NIBAN2: variants seen among roughly 807,000 people sequenced by gnomAD.
NIBAN2 encodes the protein niban apoptosis regulator 2, also known as protein Niban 2.
A neutral mutation model predicts 81.8 loss-of-function variants in NIBAN2; 36 were observed. The observed-to-expected ratio is 0.44, with a 90% CI of 0.34 to 0.58. The LOEUF is 0.58. Among genes scored for constraint, NIBAN2 ranks in the 20% least tolerant of loss-of-function variants. NIBAN2 has a pLI of 0.02. For synonymous variants in NIBAN2, 445 were observed against 441.6 expected, an observed-to-expected ratio of 1.01 and a Z score of -0.10; for missense variants, 897 against 1,014.1, an observed-to-expected ratio of 0.88 and a Z score of 1.57.
At chr9:127,552,423 A>C (rs1837592999) in intron 1 of NIBAN2, among the ~76,000 whole-genome samples, 1 of 151,930 alleles carries the variant, frequency 6.6e-6, no homozygotes, top group South Asian at 2.1e-4. Flanking sequence ...AATTTTTTTA[A>C]AAAATTAGCC....
intron 8 of NIBAN2, 68 bp downstream of exon 8, chr9:127,516,789 T>C: frequency 6.8e-7 from 1 of 1,465,874 alleles, no homozygotes; most frequent in Non-Finnish European, 9.3e-7. Context: ...TTTACATGAA[T>C]CATGAAATAA....
At chr9:127,578,774 T>C in intron 1 of NIBAN2, 1 of 693,748 alleles carries the variant, frequency 1.4e-6, no homozygotes, top group East Asian at 2.9e-5. Context: ...TGAGGATCCC[T>C]TGAGCCCAGG....
upstream of NIBAN2, among the ~76,000 whole-genome samples, chr9:127,573,055 T>C (rs1396937657): frequency 2.6e-5 from 4 of 152,236 alleles, no homozygotes; most frequent in East Asian, 7.7e-4. Context: ...TTTATAGATA[T>C]ATGTATGTAC....
chr9:127,522,441 G>A (rs936730388), intron 5 of NIBAN2, among the ~76,000 whole-genome samples: 2 of 152,242 alleles, frequency 1.3e-5, no homozygotes, highest in Middle Eastern at 3.4e-3. Context: ...GCAGTTCAGT[G>A]TCCAGGACTG....
In NIBAN2 at chr9:127,507,933, A is replaced by G; in HGVS notation, c.1588T>C (p.Phe530Leu). Residue 530 changes from phenylalanine to leucine, a missense_variant, in exon 13 of 14, where the codon TTC (phenylalanine) becomes CTC (leucine). Transcript: ENST00000373312. This position sits in a 1 kb window ranked among gnomAD's most constrained non-coding sequence, Gnocchi z 6.8. ...QELIFEDFAR[F>L]ILVENTYEEV... ...TCGTACGTGTTTTCCACCAGGATGA[A>G]CCTGGCAAAGTCCTCGAAGATCAGC... The G allele has an allele frequency of 6.2e-7, 1 of 1,614,148 alleles. No homozygotes were observed. The highest frequency in any genetic ancestry group is 8.5e-7 in the Non-Finnish European group (1 of 1,180,026).
At chr9:127,510,356 C>A in intron 8 of NIBAN2, 23 bp from the exon 9 acceptor site, 1 of 1,569,060 alleles carries the variant, frequency 6.4e-7, no homozygotes, top group Non-Finnish European at 8.7e-7. Flanking sequence ...GGAGCCGGGT[C>A]AGCAGGGGCT....
chr9:127,515,008 T>C (rs185914762), intron 8 of NIBAN2, among the ~76,000 whole-genome samples: 153 of 152,022 alleles, frequency 1.0e-3, no homozygotes, highest in African/African-American at 3.5e-3. Flanking sequence ...CTCTCTCTCT[T>C]TCAAAAATTT....
At chr9:127,527,364 G>T (rs1425294333) in intron 2 of NIBAN2, 42 bp from the exon 3 acceptor site, 1 of 1,587,294 alleles carries the variant, frequency 6.3e-7, no homozygotes, top group Non-Finnish European at 8.6e-7. Flanking sequence ...CAGGTCTGGG[G>T]GGGTGGTGCT....
chr9:127,506,745 C>T lies in NIBAN2; in HGVS notation c.*100G>A, dbSNP rs1226775447. On this transcript the variant is annotated 3_prime_UTR_variant, in exon 14 of 14. Coordinates refer to ENST00000373312, the MANE Select transcript of NIBAN2 (RefSeq NM_022833.4). ...GCCACACAGCCCTGCCCCGCCTCCA[C>T]CCACAAGGCACAGACCAGGGTGCCC... 15 of 1,157,026 alleles carry T rather than the reference C, an allele frequency of 1.3e-5. 1 individual carries two copies. In the South Asian group the frequency reaches 2.7e-4, roughly 21 times the overall value. The allele number at this position is 1,157,026 out of a possible 1,614,324, so 71.7% of individuals were successfully genotyped here. A position where few individuals can be genotyped will look rare whatever the true frequency, so the allele number is the denominator to read the frequency against.
upstream of NIBAN2, among the ~76,000 whole-genome samples, chr9:127,569,619 C>T (rs1328927208): frequency 1.3e-5 from 2 of 152,016 alleles, no homozygotes; most frequent in African/African-American, 4.8e-5. Context: ...TGAACAGTGC[C>T]CCCTGCCCCC....
intron 1 of NIBAN2, among the ~76,000 whole-genome samples, chr9:127,554,318 C>T (rs190136577): frequency 1.0e-3 from 152 of 152,214 alleles, no homozygotes; most frequent in African/African-American, 3.4e-3. Flanking sequence ...CTCCACTCAC[C>T]CTTACCCCAA....
At chr9:127,569,385 G>A (rs1837919153), upstream of NIBAN2, among the ~76,000 whole-genome samples, 1 of 151,742 alleles carries the variant, frequency 6.6e-6, no homozygotes, top group South Asian at 2.1e-4. Flanking sequence ...GAGAGACTGC[G>A]AAGAGCGCAC....
At chr9:127,541,057 A>C (rs1440434433) in intron 1 of NIBAN2, among the ~76,000 whole-genome samples, 1 of 152,192 alleles carries the variant, frequency 6.6e-6, no homozygotes, top group Non-Finnish European at 1.5e-5. Context: ...CACCCACCCT[A>C]CAGTCCAGGG....
intron 1 of NIBAN2, chr9:127,561,290 T>A: frequency 5.3e-5 from 52 of 985,446 alleles, no homozygotes; most frequent in Non-Finnish European, 6.1e-5. Flanking sequence ...AAGGAGTGGG[T>A]CATGTCAACT....
chr9:127,507,524 GC>G lies in NIBAN2; in HGVS notation c.1655-94del. 1 of 1,129,722 alleles carries G rather than the reference GC, an allele frequency of 8.9e-7. No homozygotes were observed. The highest frequency in any genetic ancestry group is 1.2e-6 in the Non-Finnish European group (1 of 812,296). The allele number at this position is 1,129,722 out of a possible 1,614,324, so 70.0% of individuals were successfully genotyped here. On this transcript the variant is annotated intron_variant, in intron 13 of 13. Coordinates refer to ENST00000373312, the MANE Select transcript of NIBAN2 (RefSeq NM_022833.4). This position sits in a 1 kb window ranked among gnomAD's most constrained non-coding sequence, Gnocchi z 6.8. ...GCTCAAAGAAGACCCGTCTCATCCC[GC>G]CTTGGGGGTCTGTGGTTGGGATGTG...
intron 1 of NIBAN2, among the ~76,000 whole-genome samples, chr9:127,532,418 A>C (rs1404303376): frequency 6.6e-6 from 1 of 152,168 alleles, no homozygotes. Flanking sequence ...CAACATGGCG[A>C]AATCCTGTCT....
chr9:127,549,318 A>G (rs1837529791), intron 1 of NIBAN2, among the ~76,000 whole-genome samples: 1 of 152,188 alleles, frequency 6.6e-6, no homozygotes, highest in Non-Finnish European at 1.5e-5. Flanking sequence ...ACACACGTGT[A>G]TGCCCACACG....
chr9:127,510,025 C>T, intron 9 of NIBAN2, 121 bp downstream of exon 9: 1 of 918,904 alleles, frequency 1.1e-6, no homozygotes, highest in Non-Finnish European at 1.6e-6. Context: ...AGCAGCCCCT[C>T]CCCGTCTACA....
intron 5 of NIBAN2, among the ~76,000 whole-genome samples, chr9:127,519,174 C>CAAAAAA (rs398046914): frequency 2.5e-5 from 1 of 39,290 alleles, no homozygotes; most frequent in African/African-American, 6.5e-5. Context: ...GACTCTGTCT[C>CAAAAAA]AAAAAAAAAA....
Sources: allele counts gnomAD v4.1 joint callset (sites outside exome capture counted in the v4.1 genomes callset), GRCh38; gene constraint gnomAD v4.1.1; non-coding constraint Gnocchi (gnomAD v3.1); transcripts MANE v1.5; gene names NCBI Gene and HGNC (gene_info 2026-07-23, HGNC 2026-07-21).